ZNF518A: variants seen among roughly 807,000 people sequenced by gnomAD.
The protein encoded by ZNF518A is zinc finger protein 518.
A neutral mutation model predicts 102.7 loss-of-function variants in ZNF518A; 47 were observed. The ratio of observed to expected loss-of-function variants is 0.46; its 90% CI spans 0.36 to 0.58. The LOEUF (loss-of-function observed/expected upper bound fraction) is 0.58. ZNF518A is among the 20% of genes least tolerant of loss of function. The pLI is 0.00. For missense variants in ZNF518A, 1,793 were observed against 1,699.8 expected, an observed-to-expected ratio of 1.05 and a Z score of -0.96; for synonymous variants, 652 against 594.6, an observed-to-expected ratio of 1.10 and a Z score of -1.40.
At chr10:96,151,621 C>G (rs782649167) in intron 3 of ZNF518A, 1 of 152,230 alleles carries the variant, frequency 6.6e-6, no homozygotes, top group Non-Finnish European at 1.5e-5. Context: ...CTTACTTGGG[C>G]ATAATGGGCA....
chr10:96,141,790 C>T (rs1435436490), intron 3 of ZNF518A, among the ~76,000 whole-genome samples: 1 of 138,982 alleles, frequency 7.2e-6, no homozygotes, highest in Non-Finnish European at 1.5e-5. Flanking sequence ...CTCTGTTGGT[C>T]TGGAGTGCAG....
chr10:96,160,075 CA>C lies in ZNF518A; in HGVS notation c.3760del (p.Ile1254PhefsTer85). ...ERNFNRKKTS[K>X]KIFSKTKTHG... ...GGAACTTCAATAGAAAAAAGACTTC[CA>C]AAAAAATTTTTTCAAAAACAAAAAC... On this transcript the variant is annotated frameshift_variant, in exon 6 of 6. Coordinates refer to ENST00000316045, the MANE Select transcript of ZNF518A (RefSeq NM_001330736.2). LOFTEE classifies it high-confidence loss of function. The C allele has an allele frequency of 6.2e-7, 1 of 1,608,354 alleles. No individual in the cohort carries two copies. The highest frequency in any genetic ancestry group is 1.7e-5 in the Admixed American group (1 of 58,824).
chr10:96,138,021 GTCT>G (rs1486149892), intron 3 of ZNF518A, among the ~76,000 whole-genome samples: 1 of 151,406 alleles, frequency 6.6e-6, no homozygotes, highest in Non-Finnish European at 1.5e-5. Context: ...TCCTTGACAT[GTCT>G]CTTTCTTTCA....
chr10:96,167,518 A>G (rs2083148768), downstream of ZNF518A, among the ~76,000 whole-genome samples: 1 of 152,198 alleles, frequency 6.6e-6, no homozygotes, highest in African/African-American at 2.4e-5. Context: ...AAGTATTCTA[A>G]TGTCTCACCA....
downstream of ZNF518A, among the ~76,000 whole-genome samples, chr10:96,164,722 T>C (rs1319510424): frequency 1.1e-4 from 16 of 152,222 alleles, no homozygotes; most frequent in Non-Finnish European, 2.9e-5. Context: ...AAAAATATAA[T>C]GTACATCAAT....
chr10:96,188,742 C>A (rs1385279278), intron 1 of ZNF518A, among the ~76,000 whole-genome samples: 1 of 152,134 alleles, frequency 6.6e-6, no homozygotes, highest in East Asian at 1.9e-4. Context: ...TTTCCCAAAC[C>A]CCTATATACC....
chr10:96,201,032 C>G (rs2083618951), intron 1 of ZNF518A: 2 of 1,614,132 alleles, frequency 1.2e-6, no homozygotes, highest in East Asian at 2.2e-5. Context: ...GGCCCATCCA[C>G]AGTTGGGTTT....
Position 96,157,955 on chromosome 10 carries a change from G to C in ZNF518A, c.1633G>C (p.Asp545His), listed in dbSNP as rs782149872. The change falls in exon 6 of 6, where the codon GAT (aspartate) becomes CAT (histidine). Residue 545 changes from aspartate (D) to histidine (H), a missense_variant. By Grantham distance (81) the Asp-to-His change is moderately conservative. This residue lies in a region of ZNF518A where 1,741 missense variants were observed against 1,622.6 expected (regional missense o/e 1.07). Transcript: ENST00000316045. The part of the protein sequence containing the change: ...SQRNNMLQTM[D>H]YEKSVSSLSA... Reference sequence around the variant, plus strand: ...AAGGAATAATATGCTTCAAACAATGGATTATGAGAAAAGTGTATCTTCTTT... The same window carrying C: ...AAGGAATAATATGCTTCAAACAATGCATTATGAGAAAAGTGTATCTTCTTT... 2 of 1,613,650 alleles carry C rather than the reference G, an allele frequency of 1.2e-6. No homozygotes were observed. The highest frequency in any genetic ancestry group is 2.7e-5 in the African/African-American group (2 of 74,900).
At chr10:96,155,544 G>A (rs2082657345) in intron 4 of ZNF518A, 168 bp downstream of exon 4, 1 of 152,206 alleles carries the variant, frequency 6.6e-6, no homozygotes, top group African/African-American at 2.4e-5. Flanking sequence ...CTACACTAGG[G>A]AAATGGTGCT....
At chr10:96,188,162 T>C (rs1164072870) in intron 1 of ZNF518A, among the ~76,000 whole-genome samples, 1 of 152,212 alleles carries the variant, frequency 6.6e-6, no homozygotes, top group Non-Finnish European at 1.5e-5. Context: ...TTAAAGACTT[T>C]TCTAATCTCA....
At chr10:96,199,651 A>G (rs1554895582) in intron 1 of ZNF518A, 2 of 392,688 alleles carry the variant, frequency 5.1e-6, no homozygotes, top group East Asian at 7.3e-5. Context: ...ACTTGTTGCA[A>G]TTATTTAATT....
downstream of ZNF518A, among the ~76,000 whole-genome samples, chr10:96,168,000 A>C (rs1226044317): frequency 6.6e-6 from 1 of 152,232 alleles, no homozygotes; most frequent in African/African-American, 2.4e-5. Flanking sequence ...ATATGCCTTC[A>C]TTCTGCCCAT....
rs587691135 is a variant in ZNF518A at position 96,180,931 on chromosome 10, CA to C, written n.36-22641del. Among the ~76,000 whole-genome samples the C allele has an allele frequency of 4.5e-3, 679 of 152,332 alleles. 5 individuals are homozygous for C. The highest frequency in any genetic ancestry group is 0.015 in the African/African-American group (629 of 41,572). On this transcript the variant is annotated intron_variant and non_coding_transcript_variant, in intron 1 of 2. Transcript: ENST00000442635. ...TGAGGAATTGCCACACTGTCTTCCA[CA>C]ATGGTTGAACTAGTTTACACTCCCA...
At chr10:96,180,998 C>A (rs1176042571) in intron 1 of ZNF518A, among the ~76,000 whole-genome samples, 28 of 152,198 alleles carry the variant, frequency 1.8e-4, no homozygotes, top group African/African-American at 6.5e-4. Context: ...ACATCCTCTC[C>A]AGCACCTGTT....
intron 1 of ZNF518A, among the ~76,000 whole-genome samples, chr10:96,188,351 T>C (rs1490737819): frequency 3.3e-5 from 5 of 152,186 alleles, no homozygotes; most frequent in African/African-American, 1.2e-4. Flanking sequence ...TCCCAGCCTC[T>C]GCTCCAAGAA....
At chr10:96,134,313 C>T (rs1351720175) in intron 3 of ZNF518A, among the ~76,000 whole-genome samples, 1 of 152,240 alleles carries the variant, frequency 6.6e-6, no homozygotes, top group African/African-American at 2.4e-5. Flanking sequence ...TCACTACAAC[C>T]TCTGCCTCCC....
At chr10:96,143,982 A>G (rs1178493967) in intron 3 of ZNF518A, among the ~76,000 whole-genome samples, 1 of 152,076 alleles carries the variant, frequency 6.6e-6, no homozygotes, top group Non-Finnish European at 1.5e-5. Context: ...CTCAGTCTGC[A>G]GCTTCCTTTG....
chr10:96,176,670 A>C (rs587773748), intron 1 of ZNF518A, among the ~76,000 whole-genome samples: 115 of 152,308 alleles, frequency 7.6e-4, no homozygotes, highest in African/African-American at 2.7e-3. Context: ...CCAAGGCAGG[A>C]AGATCACCTG....
intron 1 of ZNF518A, chr10:96,189,466 A>C (rs1401776824): frequency 1.2e-4 from 78 of 627,046 alleles, no homozygotes; most frequent in South Asian, 1.1e-3. Context: ...TTGGGAAGAG[A>C]ACCACCTTTT....
Sources: gnomAD v4.1 joint callset for allele counts (sites outside exome capture counted in the v4.1 genomes callset) on GRCh38, gnomAD v4.1.1 for gene constraint, gnomAD v4.1.1 regional missense constraint, MANE v1.5 for transcripts, NCBI Gene and HGNC (gene_info 2026-07-23, HGNC 2026-07-21) for gene names.